ADGRL2: variants seen among roughly 807,000 people sequenced by gnomAD.
ADGRL2 encodes adhesion G protein-coupled receptor L2.
Under a neutral mutation model 157.4 loss-of-function variants are expected in ADGRL2, and 44 were observed. The ratio of observed to expected loss-of-function variants is 0.28; its 90% confidence interval spans 0.22 to 0.36. ADGRL2 has a LOEUF of 0.36. Ranked by LOEUF, ADGRL2 falls within the 10% of genes least tolerant of loss-of-function variation. The pLI is 1.00. For missense variants in ADGRL2, 1,510 were observed against 1,768.9 expected, an observed-to-expected ratio of 0.85 and a Z score of 2.63; for synonymous variants, 585 against 624.7, an observed-to-expected ratio of 0.94 and a Z score of 0.95.
chr1:81,719,952 A>G (rs545101641), intron 1 of ADGRL2, among the ~76,000 whole-genome samples: 42 of 151,978 alleles, frequency 2.8e-4, no homozygotes, highest in Non-Finnish European at 5.1e-4. Context: ...AAACATGTCC[A>G]GGTACCACAT....
chr1:81,920,854 G>T (rs2094960831), intron 3 of ADGRL2, among the ~76,000 whole-genome samples: 1 of 146,424 alleles, frequency 6.8e-6, no homozygotes, highest in African/African-American at 2.6e-5. Flanking sequence ...AAAACTAAAG[G>T]TTTTAAAGGA....
chr1:81,907,287 T>G, intron 3 of ADGRL2, 57 bp downstream of exon 3: 1 of 1,431,426 alleles, frequency 7.0e-7, no homozygotes, highest in Non-Finnish European at 9.9e-7. Flanking sequence ...TTAGAAAAAT[T>G]ATTACAGTTA....
intron 3 of ADGRL2, among the ~76,000 whole-genome samples, chr1:81,610,424 G>A (rs1473158334): frequency 2.6e-5 from 4 of 151,946 alleles, no homozygotes; most frequent in South Asian, 2.1e-4. Flanking sequence ...TCAAGGAATC[G>A]GCACAAGTCC....
intron 3 of ADGRL2, among the ~76,000 whole-genome samples, chr1:81,593,533 A>G (rs2081173765): frequency 6.6e-6 from 1 of 152,136 alleles, no homozygotes; most frequent in Non-Finnish European, 1.5e-5. Context: ...ATTATTGCTG[A>G]TGTTCCATTA....
At chr1:81,729,434 CTT>C (rs1051155170) in intron 1 of ADGRL2, among the ~76,000 whole-genome samples, 1 of 152,066 alleles carries the variant, frequency 6.6e-6, no homozygotes, top group Non-Finnish European at 1.5e-5. Flanking sequence ...AATTACCTGA[CTT>C]TGCAAAATTA....
chr1:81,702,565 A>G (rs1221346281), intron 1 of ADGRL2, among the ~76,000 whole-genome samples: 2 of 152,224 alleles, frequency 1.3e-5, no homozygotes, highest in Admixed American at 6.5e-5. Context: ...ACAACTATGA[A>G]TTGCAAGTAC....
chr1:81,821,360 A>G (rs1437472802), intron 1 of ADGRL2, among the ~76,000 whole-genome samples: 2 of 152,060 alleles, frequency 1.3e-5, no homozygotes, highest in East Asian at 1.9e-4. Context: ...AGCATTAGAG[A>G]CATTTTCTGA....
intron 2 of ADGRL2, among the ~76,000 whole-genome samples, chr1:81,446,198 G>A (rs940961416): frequency 3.9e-5 from 6 of 152,166 alleles, no homozygotes; most frequent in Non-Finnish European, 7.4e-5. Flanking sequence ...GACGTGTAAA[G>A]TGACCTGAAA....
chr1:81,537,034 C>A (rs568438329), intron 2 of ADGRL2, among the ~76,000 whole-genome samples: 1 of 152,064 alleles, frequency 6.6e-6, no homozygotes, highest in Non-Finnish European at 1.5e-5. Flanking sequence ...AATACAAAGA[C>A]CTCCTTTATT....
chr1:81,794,786 CTGAA>C (rs1223067243), intron 2 of ADGRL2, among the ~76,000 whole-genome samples: 3 of 152,038 alleles, frequency 2.0e-5, no homozygotes, highest in Non-Finnish European at 4.4e-5. Flanking sequence ...AAGTTGAAAC[CTGAA>C]TGATACTATT....
chr1:81,809,293 A>T (rs1557683497), intron 1 of ADGRL2, among the ~76,000 whole-genome samples: 1 of 152,052 alleles, frequency 6.6e-6, no homozygotes, highest in Non-Finnish European at 1.5e-5. Context: ...ACTTTAATAA[A>T]AACAGAAATA....
intron 3 of ADGRL2, among the ~76,000 whole-genome samples, chr1:81,689,237 T>C (rs775426934): frequency 6.6e-5 from 10 of 152,230 alleles, no homozygotes; most frequent in Non-Finnish European, 1.0e-4. Flanking sequence ...TTGGCCGAGA[T>C]TCTTTCCCTA....
intron 1 of ADGRL2, among the ~76,000 whole-genome samples, chr1:81,709,632 G>T (rs12732009): frequency 0.2 from 30,709 of 151,696 alleles, 3,253 homozygotes; most frequent in South Asian, 0.3. Context: ...TAGGCTATGG[G>T]TTGACCTAGC....
intron 3 of ADGRL2, among the ~76,000 whole-genome samples, chr1:81,676,151 G>A (rs139016040): frequency 4.6e-5 from 7 of 152,082 alleles, no homozygotes; most frequent in African/African-American, 7.2e-5. Context: ...ACTGGCACCC[G>A]CCACCATGCC....
chr1:81,477,278 A>ATG (rs2078292553), intron 2 of ADGRL2, among the ~76,000 whole-genome samples: 2 of 151,546 alleles, frequency 1.3e-5, no homozygotes, highest in Non-Finnish European at 2.9e-5. Flanking sequence ...ATAGGCTGTC[A>ATG]TATCGTAAAG....
At chr1:81,545,255 C>T (rs2079985289) in intron 2 of ADGRL2, among the ~76,000 whole-genome samples, 1 of 151,726 alleles carries the variant, frequency 6.6e-6, no homozygotes, top group East Asian at 1.9e-4. Flanking sequence ...CTTATAGCTG[C>T]CCAGAAGAAT....
chr1:81,549,776 G>C (rs890644623), intron 2 of ADGRL2, among the ~76,000 whole-genome samples: 4 of 152,154 alleles, frequency 2.6e-5, no homozygotes, highest in Non-Finnish European at 4.4e-5. Flanking sequence ...ATGGGCATGA[G>C]AGGTACCTGT....
intron 2 of ADGRL2, among the ~76,000 whole-genome samples, chr1:81,765,469 C>T (rs1023935180): frequency 6.6e-6 from 1 of 151,938 alleles, no homozygotes; most frequent in African/African-American, 2.4e-5. Flanking sequence ...ACCAAACAGA[C>T]AAAGTTCTGA....
At position 81,421,583 on chromosome 1, in the gene ADGRL2, C is replaced by T. The variant is rs138639204; in HGVS notation, c.-301-23453C>T. On this transcript the variant is annotated intron_variant, in intron 1 of 24. Transcript: ENST00000370721. ...CATGTGCTTTCAAGGTGCTTTGCTC[C>T]TCTGTGGATCTGTCTTGCCCACGTG... Among the ~76,000 whole-genome samples, 557 of 152,236 alleles carry T rather than the reference C, an allele frequency of 3.7e-3. 2 individuals are homozygous for T. The highest frequency in any genetic ancestry group is 0.013 in the African/African-American group (523 of 41,526).
Sources: allele counts gnomAD v4.1 joint callset (sites outside exome capture counted in the v4.1 genomes callset), GRCh38; gene constraint gnomAD v4.1.1; transcripts MANE v1.5; gene names NCBI Gene and HGNC (gene_info 2026-07-23, HGNC 2026-07-21).